Variants in ASPH observed in about 807,000 individuals in gnomAD.
ASPH encodes the protein aspartyl/asparaginyl beta-hydroxylase.
A neutral mutation model predicts 118.4 loss-of-function variants in ASPH; 100 were observed. The observed-to-expected ratio is 0.84, with a 90% CI of 0.72 to 1.00. ASPH has a LOEUF of 1.00. ASPH is among the 50% of genes least tolerant of loss of function. ASPH has a pLI of 0.00. For synonymous variants in ASPH, 315 were observed against 325.6 expected (o/e 0.97, Z 0.35); for missense variants, 920 against 919.5 (o/e 1.00, Z -0.01).
Position 61,644,629 on chromosome 8 carries a change from G to C in ASPH, c.623C>G (p.Thr208Ser). The change falls in exon 7 of 25, where the codon ACC (threonine) becomes AGC (serine). Residue 208 changes from threonine (T) to serine (S), a missense_variant. Transcript: ENST00000379454. ...CTCTTCCACGTGGTAACTATGCTCGGTTTCTGGAAAAAAAAAAATTAGATT... is the reference window on the plus strand; with the variant it reads ...CTCTTCCACGTGGTAACTATGCTCGCTTTCTGGAAAAAAAAAAATTAGATT... Reference protein sequence around the residue: ...TLEPEVSHEETEHSYHVEETV... With the variant: ...TLEPEVSHEESEHSYHVEETV... The C allele has an allele frequency of 6.3e-7, 1 of 1,583,264 alleles. No individual in the cohort carries two copies. The highest frequency in any genetic ancestry group is 1.4e-5 in the African/African-American group (1 of 73,412).
At chr8:61,574,397 A>G (rs1834423094) in intron 16 of ASPH, among the ~76,000 whole-genome samples, 1 of 152,212 alleles carries the variant, frequency 6.6e-6, no homozygotes, top group Non-Finnish European at 1.5e-5. Context: ...ACACATGCAC[A>G]CATCTGTTTA....
chr8:61,542,607 G>A (rs1822348997), intron 21 of ASPH, among the ~76,000 whole-genome samples: 3 of 151,938 alleles, frequency 2.0e-5, no homozygotes, highest in Admixed American at 2.0e-4. Flanking sequence ...TTTATGCATT[G>A]GTTTTGGAAT....
intron 18 of ASPH, among the ~76,000 whole-genome samples, chr8:61,561,006 T>C (rs61137492): frequency 0.55 from 80,415 of 147,384 alleles, 25,518 homozygotes; most frequent in Non-Finnish European, 0.7. Flanking sequence ...TAGGGAAGAA[T>C]TCTACAAGGA....
intron 3 of ASPH, chr8:61,676,017 G>GA: frequency 6.3e-7 from 1 of 1,584,704 alleles, no homozygotes; most frequent in African/African-American, 1.4e-5. Context: ...GGAAAGAAAA[G>GA]AAAAAGGAGG....
At chr8:61,633,288 T>C (rs1856390773) in intron 13 of ASPH, 1 of 158,444 alleles carries the variant, frequency 6.3e-6, no homozygotes, top group African/African-American at 2.4e-5. Flanking sequence ...AGATGGGGAA[T>C]GGAGAGGAAG....
chr8:61,641,755 AC>A (rs1805232813), intron 10 of ASPH, among the ~76,000 whole-genome samples: 1 of 152,116 alleles, frequency 6.6e-6, no homozygotes, highest in South Asian at 2.1e-4. Flanking sequence ...GAAAGGAGGG[AC>A]CCTATGTTAC....
At chr8:61,555,845 C>T in intron 19 of ASPH, 79 bp downstream of exon 19, 1 of 1,258,372 alleles carries the variant, frequency 7.9e-7, no homozygotes, top group Admixed American at 1.9e-5. Context: ...TGCAATCAAT[C>T]TACAAGGAAT....
At chr8:61,597,194 A>AG (rs1215785536) in intron 14 of ASPH, among the ~76,000 whole-genome samples, 1 of 99,014 alleles carries the variant, frequency 1.0e-5, no homozygotes, top group African/African-American at 3.0e-5. Context: ...TAATCCAGTC[A>AG]GGAAAAAAAA....
chr8:61,514,005 T>A (rs1809887173), intron 24 of ASPH, among the ~76,000 whole-genome samples: 1 of 152,184 alleles, frequency 6.6e-6, no homozygotes, highest in African/African-American at 2.4e-5. Context: ...TTTTTTTGTT[T>A]TTTTAAAGAG....
intron 24 of ASPH, among the ~76,000 whole-genome samples, chr8:61,503,945 A>C (rs1805463265): frequency 6.6e-6 from 1 of 152,242 alleles, no homozygotes; most frequent in African/African-American, 2.4e-5. Flanking sequence ...GGAAGAAAGG[A>C]ATCTGCTTAA....
At chr8:61,661,976 G>T in intron 3 of ASPH, 1 of 423,944 alleles carries the variant, frequency 2.4e-6, no homozygotes, top group Non-Finnish European at 4.2e-6. Flanking sequence ...TCAAAAGAGT[G>T]GCTACCAATG....
In ASPH at chr8:61,555,975, G is replaced by A; in HGVS notation, c.1485C>T (p.Gly495=). 1.9e-6 allele frequency: 3 copies of A among 1,614,046 alleles called. No individual in the cohort carries two copies. The highest frequency in any genetic ancestry group is 2.5e-6 in the Non-Finnish European group (3 of 1,179,998). Residue 495 remains glycine (G), a synonymous_variant, in exon 19 of 25, where the codon GGC becomes GGT. Coordinates refer to ENST00000379454, the MANE Select transcript of ASPH (RefSeq NM_004318.4). Reference sequence around the variant, plus strand: ...TTTTGTTCTGTGCCTTCAGGATGAAGCCATAATGGACTTTAGCAAAGCCAT... The same window carrying A: ...TTTTGTTCTGTGCCTTCAGGATGAAACCATAATGGACTTTAGCAAAGCCAT... ...PNDGFAKVHY[G]FILKAQNKIA...
intron 15 of ASPH, among the ~76,000 whole-genome samples, chr8:61,577,618 G>T (rs1368219409): frequency 6.6e-6 from 1 of 152,186 alleles, no homozygotes; most frequent in Non-Finnish European, 1.5e-5. Flanking sequence ...CGTGGCTGGG[G>T]AGGCCTAAGG....
intron 3 of ASPH, chr8:61,675,912 G>T: frequency 6.9e-7 from 1 of 1,454,816 alleles, no homozygotes; most frequent in Non-Finnish European, 9.0e-7. Context: ...GCGAGCAAGG[G>T]ACTAGCTAGT....
Position 61,578,861 on chromosome 8 carries a change from G to A in ASPH, c.1063-2003C>T, listed in dbSNP as rs1836327056. 45 of 1,612,612 alleles carry A rather than the reference G, an allele frequency of 2.8e-5. No individual in the cohort carries two copies. The South Asian group carries it at 4.6e-4, about 17-fold the overall frequency. On this transcript the variant is annotated intron_variant, in intron 15 of 24. Transcript: ENST00000379454. ...ACAAGGTAGAGCTGGAGTCTCGCCT[G>A]GAAGGGCTGACTGACGAGATCAACT...
chr8:61,526,747 G>A (rs9298052), intron 21 of ASPH, among the ~76,000 whole-genome samples: 9,493 of 152,270 alleles, frequency 0.062, 396 homozygotes, highest in Non-Finnish European at 0.094. Flanking sequence ...CTTATGACCA[G>A]TAGAGACTAG....
chr8:61,667,174 G>A (rs772691183), intron 3 of ASPH, among the ~76,000 whole-genome samples: 9 of 151,958 alleles, frequency 5.9e-5, no homozygotes, highest in Non-Finnish European at 8.8e-5. Flanking sequence ...TGCCAAGCCC[G>A]TGAAATGACC....
chr8:61,663,755 T>A, intron 3 of ASPH: 1 of 970,492 alleles, frequency 1.0e-6, no homozygotes, highest in Non-Finnish European at 1.2e-6. Flanking sequence ...ATTGGAGATA[T>A]TAGATATTCT....
At chr8:61,584,104 T>C in intron 14 of ASPH, 75 bp from the exon 15 acceptor site, 2 of 957,118 alleles carry the variant, frequency 2.1e-6, no homozygotes. Flanking sequence ...AATTTACAAG[T>C]AGTGGGAAAC....
Sources: gnomAD v4.1 joint callset for allele counts (sites outside exome capture counted in the v4.1 genomes callset) on GRCh38, gnomAD v4.1.1 for gene constraint, MANE v1.5 for transcripts, NCBI Gene and HGNC (gene_info 2026-07-23, HGNC 2026-07-21) for gene names.